The following EHMT1 variants were observed in gnomAD, a reference collection of about 807,000 sequenced individuals.
EHMT1 encodes the protein histone-lysine N-methyltransferase EHMT1.
A neutral mutation model predicts 147.2 loss-of-function variants in EHMT1; 15 were observed. The ratio of observed to expected loss-of-function variants is 0.10; its 90% CI spans 0.07 to 0.16. The LOEUF (loss-of-function observed/expected upper bound fraction) is 0.16, where lower values mean the gene tolerates loss of function less well. Among genes scored for constraint, EHMT1 ranks in the 10% least tolerant of loss-of-function variants. The probability of loss-of-function intolerance (pLI) is 1.00; values close to 1 mark genes in which losing one functional copy is unlikely to be tolerated. For synonymous variants in EHMT1, 795 were observed against 709.6 expected (o/e 1.12, Z -1.91); for missense variants, 1,587 against 1,772.4 (o/e 0.90, Z 1.88).
chr9:137,748,141 A>G (rs900575709), intron 6 of EHMT1, among the ~76,000 whole-genome samples: 1 of 152,118 alleles, frequency 6.6e-6, no homozygotes, highest in Admixed American at 6.5e-5. Context: ...CTGTTATCAT[A>G]CTAATGCTCA....
chr9:137,795,427 AC>A (rs1564776332), intron 16 of EHMT1, among the ~76,000 whole-genome samples: 11 of 12,140 alleles, frequency 9.1e-4, no homozygotes, highest in Non-Finnish European at 1.7e-3. Flanking sequence ...ACACACACAC[AC>A]TCTCACACTC....
intron 8 of EHMT1, among the ~76,000 whole-genome samples, chr9:137,757,191 C>T (rs1051578930): frequency 6.6e-6 from 1 of 152,218 alleles, no homozygotes; most frequent in African/African-American, 2.4e-5. Context: ...GGCCACCACT[C>T]GTGTGTCCTT....
intron 25 of EHMT1, among the ~76,000 whole-genome samples, chr9:137,831,847 G>T (rs1956209680): frequency 6.6e-6 from 1 of 152,260 alleles, no homozygotes; most frequent in African/African-American, 2.4e-5. Flanking sequence ...AGTGCGATTG[G>T]CTGGGCCCCT....
intron 1 of EHMT1, among the ~76,000 whole-genome samples, chr9:137,631,118 C>T (rs1332145019): frequency 6.6e-6 from 1 of 152,112 alleles, no homozygotes; most frequent in African/African-American, 2.4e-5. Context: ...TGTGTGGTGG[C>T]TTATGCCTGT....
At chr9:137,635,731 A>G (rs190756635) in intron 1 of EHMT1, among the ~76,000 whole-genome samples, 13,196 of 150,418 alleles carry the variant, frequency 0.088, 649 homozygotes, top group Middle Eastern at 0.2. Flanking sequence ...GAGGCAGGAG[A>G]ATGGCATGAA....
At chr9:137,829,602 C>T (rs1038147814) in intron 25 of EHMT1, among the ~76,000 whole-genome samples, 2 of 152,366 alleles carry the variant, frequency 1.3e-5, no homozygotes, top group Non-Finnish European at 2.9e-5. Flanking sequence ...GTTCGCCCCT[C>T]TGGAGTCAGC....
At chr9:137,781,504 T>C (rs11137225) in intron 14 of EHMT1, among the ~76,000 whole-genome samples, 51,348 of 151,584 alleles carry the variant, frequency 0.34, 9,020 homozygotes, top group Admixed American at 0.43. Context: ...ATGACGGCAG[T>C]CGATGTTTCA....
chr9:137,816,843 C>T (rs1434846406), intron 23 of EHMT1: 3 of 178,702 alleles, frequency 1.7e-5, no homozygotes, highest in Admixed American at 5.4e-5. Flanking sequence ...GAGGCAGACA[C>T]GGGACACATG....
intron 1 of EHMT1, among the ~76,000 whole-genome samples, chr9:137,669,369 C>A (rs1432141915): frequency 8.5e-6 from 1 of 117,266 alleles, no homozygotes; most frequent in Admixed American, 9.1e-5. Flanking sequence ...TCCCACAGCA[C>A]GTGCACTGGA....
chr9:137,650,448 A>C (rs1012847402), intron 1 of EHMT1, among the ~76,000 whole-genome samples: 18 of 152,204 alleles, frequency 1.2e-4, no homozygotes, highest in Non-Finnish European at 1.8e-4. Flanking sequence ...AGGGAGTGTG[A>C]AGTAGTATCT....
intron 2 of EHMT1, among the ~76,000 whole-genome samples, chr9:137,713,607 A>C (rs1364159963): frequency 6.6e-6 from 1 of 151,524 alleles, no homozygotes; most frequent in East Asian, 1.9e-4. Context: ...TTTTAAATAG[A>C]ATTGTTTTAA....
chr9:137,708,146 G>GA (rs1177226539), intron 1 of EHMT1, among the ~76,000 whole-genome samples: 1 of 152,110 alleles, frequency 6.6e-6, no homozygotes, highest in Non-Finnish European at 1.5e-5. Flanking sequence ...TTTTCTGAAT[G>GA]AAAAAAACTC....
intron 5 of EHMT1, 41 bp from the exon 6 acceptor site, chr9:137,743,861 C>T (rs1043005326): frequency 1.2e-5 from 19 of 1,579,118 alleles, no homozygotes; most frequent in Non-Finnish European, 1.4e-5. Flanking sequence ...TCATGATGCG[C>T]ACTGATCCTG....
intron 2 of EHMT1, among the ~76,000 whole-genome samples, chr9:137,711,439 G>A (rs1944709642): frequency 6.6e-6 from 1 of 152,188 alleles, no homozygotes; most frequent in Non-Finnish European, 1.5e-5. Flanking sequence ...CAGCCCAGAA[G>A]AGCACACAGC....
chr9:137,821,036 C>A (rs925329996), intron 25 of EHMT1, among the ~76,000 whole-genome samples: 8 of 152,198 alleles, frequency 5.3e-5, no homozygotes, highest in Admixed American at 5.2e-4. Context: ...CAGCACCACG[C>A]CCGGCTAACT....
rs528953499 is a variant in EHMT1, at chr9:137,637,009, C to T, written c.21+17960C>T. On this transcript the variant is annotated intron_variant, in intron 1 of 26. Coordinates refer to ENST00000460843, the MANE Select transcript of EHMT1 (RefSeq NM_024757.5). ...GCCTCCTGGGTTCACGCCATTCTCC[C>T]GCCTCAGCCTCCTGAGTGGCTGGGA... Among the ~76,000 whole-genome samples, 23 of 148,216 alleles carry T rather than the reference C, an allele frequency of 1.6e-4. No homozygotes were observed. In the East Asian group the frequency reaches 3.8e-3, roughly 24 times the overall value.
In EHMT1 at chr9:137,813,885, G is replaced by C. The variant is rs1420440571; in HGVS notation, c.3180+355G>C. On this transcript the variant is annotated intron_variant, in intron 21 of 26. Coordinates refer to ENST00000460843, the MANE Select transcript of EHMT1 (RefSeq NM_024757.5). This position sits in a 1 kb window ranked among gnomAD's most constrained non-coding sequence, Gnocchi z 4.9. ...CCTTGCGAGGCCTGCAGGACGACCT[G>C]GATCCCTGCACCTCCCAGCCCCCGG... Among the ~76,000 whole-genome samples the C allele has an allele frequency of 6.6e-6, 1 of 152,130 alleles. No homozygotes were observed. The highest frequency in any genetic ancestry group is 1.5e-5 in the Non-Finnish European group (1 of 68,000).
intron 25 of EHMT1, among the ~76,000 whole-genome samples, chr9:137,833,460 G>T (rs1956363897): frequency 1.3e-5 from 2 of 152,230 alleles, no homozygotes; most frequent in South Asian, 2.1e-4. Flanking sequence ...GGTTGCGTGG[G>T]CAGCGTCTAG....
rs186287142 is a variant in EHMT1 at position 137,722,408 on chromosome 9, A to G, written c.642+5226A>G. ...TCACAGGCTGGTCTGTTGTAGGAAAAGAGAACTTGAGTGTTTTGAGGCTTC... is the reference window on the plus strand; with the variant it reads ...TCACAGGCTGGTCTGTTGTAGGAAAGGAGAACTTGAGTGTTTTGAGGCTTC... On this transcript the variant is annotated intron_variant, in intron 3 of 26. Coordinates refer to ENST00000460843, the MANE Select transcript of EHMT1 (RefSeq NM_024757.5). 5.9e-5 allele frequency among the ~76,000 whole-genome samples: 9 copies of G among 152,368 alleles called. No individual in the cohort carries two copies. In the South Asian group the frequency reaches 1.4e-3, roughly 25 times the overall value.
Sources: gnomAD v4.1 joint callset for allele counts (sites outside exome capture counted in the v4.1 genomes callset) on GRCh38, gnomAD v4.1.1 for gene constraint, Gnocchi (gnomAD v3.1) non-coding constraint, MANE v1.5 for transcripts, NCBI Gene and HGNC (gene_info 2026-07-23, HGNC 2026-07-21) for gene names.